The following MDGA2 variants were observed in gnomAD, a reference collection of about 807,000 sequenced individuals.
MDGA2 encodes MAM domain-containing glycosylphosphatidylinositol anchor protein 2.
MDGA2 carries 40 observed loss-of-function variants against 117.8 expected under a neutral mutation model. The ratio of observed to expected loss-of-function variants is 0.34; its 90% confidence interval spans 0.26 to 0.44. MDGA2 has a LOEUF of 0.44. Ranked by LOEUF, MDGA2 falls within the 20% of genes least tolerant of loss-of-function variation. MDGA2 has a pLI of 1.00. For synonymous variants in MDGA2, 452 were observed against 439.0 expected, an observed-to-expected ratio of 1.03 and a Z score of -0.37; for missense variants, 1,123 against 1,250.6, an observed-to-expected ratio of 0.90 and a Z score of 1.54.
At chr14:47,057,708 TTACCTTGCCCTGCCC>T (rs1363465932) in intron 7 of MDGA2, among the ~76,000 whole-genome samples, 3 of 143,414 alleles carry the variant, frequency 2.1e-5, no homozygotes, top group South Asian at 5.1e-4. Context: ...TTGCCTTGCC[TTACCTTGCCCTGCCC>T]TACCTTGCCC....
chr14:46,971,556 G>A (rs1301870713), intron 8 of MDGA2, among the ~76,000 whole-genome samples: 2 of 152,082 alleles, frequency 1.3e-5, no homozygotes, highest in Non-Finnish European at 2.9e-5. Context: ...CTTGGAAGGT[G>A]TATGGGTGGG....
intron 2 of MDGA2, chr14:47,299,340 T>C (rs1393240527): frequency 1.3e-5 from 2 of 152,100 alleles, no homozygotes; most frequent in African/African-American, 2.4e-5. Context: ...GAAACAGAGA[T>C]AAGAAGTTGC....
chr14:46,971,676 T>C (rs906868973), intron 8 of MDGA2, among the ~76,000 whole-genome samples: 8 of 152,048 alleles, frequency 5.3e-5, no homozygotes, highest in African/African-American at 1.7e-4. Context: ...AGCAACAATG[T>C]ATTATATAAT....
intron 1 of MDGA2, among the ~76,000 whole-genome samples, chr14:47,655,001 C>T (rs150446476): frequency 6.6e-6 from 1 of 151,972 alleles, no homozygotes; most frequent in African/African-American, 2.4e-5. Flanking sequence ...AGGATAAAGA[C>T]AGTATGGCAT....
intron 14 of MDGA2, among the ~76,000 whole-genome samples, chr14:46,860,354 A>G (rs1044698078): frequency 8.6e-5 from 13 of 152,044 alleles, no homozygotes; most frequent in Non-Finnish European, 1.9e-4. Flanking sequence ...TTGATGTGTT[A>G]GGTTATATTA....
intron 1 of MDGA2, among the ~76,000 whole-genome samples, chr14:47,383,447 G>A (rs887956448): frequency 1.3e-5 from 2 of 152,116 alleles, no homozygotes; most frequent in Non-Finnish European, 2.9e-5. Flanking sequence ...TATGTAATAT[G>A]TGATTCATTG....
At chr14:47,603,510 C>G (rs1327952556) in intron 1 of MDGA2, among the ~76,000 whole-genome samples, 1 of 152,114 alleles carries the variant, frequency 6.6e-6, no homozygotes, top group Non-Finnish European at 1.5e-5. Context: ...AACAAGATAC[C>G]TATATTCTGC....
At chr14:46,952,878 A>G (rs1275242789) in intron 9 of MDGA2, among the ~76,000 whole-genome samples, 4 of 152,066 alleles carry the variant, frequency 2.6e-5, no homozygotes, top group Non-Finnish European at 5.9e-5. Flanking sequence ...AATGCTTTGA[A>G]GAATTATGAC....
intron 2 of MDGA2, among the ~76,000 whole-genome samples, chr14:47,223,513 T>C (rs897081294): frequency 6.6e-6 from 1 of 152,154 alleles, no homozygotes; most frequent in Non-Finnish European, 1.5e-5. Context: ...AGAAGCTGCC[T>C]CATGACACTG....
At chr14:46,876,948 A>G (rs1882255340) in intron 12 of MDGA2, among the ~76,000 whole-genome samples, 1 of 151,624 alleles carries the variant, frequency 6.6e-6, no homozygotes, top group South Asian at 2.1e-4. Context: ...AACATTTAAT[A>G]TAAAACAAAA....
Position 47,604,330 on chromosome 14 carries a change from T to C in MDGA2, c.280+70187A>G, listed in dbSNP as rs185874925. On this transcript the variant is annotated intron_variant, in intron 1 of 16. Transcript: ENST00000399232. Reference sequence around the variant, plus strand: ...TTTCTTTAGTTTTTATTTTTATTTTTTTAAGAGATGGGGTCTTGCTCTGTC... The same window carrying C: ...TTTCTTTAGTTTTTATTTTTATTTTCTTAAGAGATGGGGTCTTGCTCTGTC... 2.6e-3 allele frequency among the ~76,000 whole-genome samples: 390 copies of C among 152,198 alleles called. 1 individual carries two copies. The highest frequency in any genetic ancestry group is 3.5e-3 in the Non-Finnish European group (237 of 68,020).
chr14:47,264,675 TTTTTA>T (rs1213031240), intron 2 of MDGA2, among the ~76,000 whole-genome samples: 6 of 152,270 alleles, frequency 3.9e-5, no homozygotes, highest in Non-Finnish European at 8.8e-5. Flanking sequence ...TATGATTTTA[TTTTTA>T]TTTTATTTTA....
chr14:47,560,535 C>T (rs542141227), intron 1 of MDGA2, among the ~76,000 whole-genome samples: 3 of 152,184 alleles, frequency 2.0e-5, no homozygotes, highest in South Asian at 2.1e-4. Flanking sequence ...GTCCTTGGCC[C>T]GCTTTTTAAT....
intron 1 of MDGA2, among the ~76,000 whole-genome samples, chr14:47,381,391 T>C (rs567386835): frequency 6.6e-6 from 1 of 152,180 alleles, no homozygotes; most frequent in Admixed American, 6.5e-5. Context: ...AAATAAAGGG[T>C]ATTCAATTAG....
intron 1 of MDGA2, among the ~76,000 whole-genome samples, chr14:47,486,747 T>A (rs1894069807): frequency 1.3e-5 from 2 of 152,128 alleles, no homozygotes; most frequent in Non-Finnish European, 2.9e-5. Context: ...GAATTTCTCT[T>A]CACAAGCTTT....
At chr14:47,275,085 C>T (rs1231264328) in intron 2 of MDGA2, among the ~76,000 whole-genome samples, 5 of 152,116 alleles carry the variant, frequency 3.3e-5, no homozygotes, top group Non-Finnish European at 1.5e-5. Flanking sequence ...AATTTATCTA[C>T]TTTTGTTGTG....
intron 3 of MDGA2, among the ~76,000 whole-genome samples, chr14:47,196,110 G>A (rs1268573859): frequency 1.3e-5 from 2 of 151,932 alleles, no homozygotes; most frequent in African/African-American, 4.8e-5. Context: ...TAAGAATATT[G>A]CAGTCATTTT....
chr14:46,868,465 C>G (rs1881865703), intron 14 of MDGA2, among the ~76,000 whole-genome samples: 1 of 151,768 alleles, frequency 6.6e-6, no homozygotes, highest in South Asian at 2.1e-4. Context: ...GCTTCAGGCA[C>G]AAGAGAGCTT....
At chr14:47,353,789 T>C (rs1352370839) in intron 1 of MDGA2, among the ~76,000 whole-genome samples, 2 of 152,116 alleles carry the variant, frequency 1.3e-5, no homozygotes, top group Non-Finnish European at 2.9e-5. Context: ...GAGGTGGGAA[T>C]ACTAACTCAT....
Sources: allele counts gnomAD v4.1 joint callset (sites outside exome capture counted in the v4.1 genomes callset), GRCh38; gene constraint gnomAD v4.1.1; transcripts MANE v1.5; gene names NCBI Gene and HGNC (gene_info 2026-07-23, HGNC 2026-07-21).